The following CD8B2 variants were observed in gnomAD, a reference collection of about 807,000 sequenced individuals.
CD8B2 encodes T-cell surface glycoprotein CD8 beta-2 chain.
Under a neutral mutation model 23.7 loss-of-function variants are expected in CD8B2, and 11 were observed. The ratio of observed to expected loss-of-function variants is 0.46; its 90% CI spans 0.29 to 0.77. The LOEUF (loss-of-function observed/expected upper bound fraction) is 0.77, where lower values mean the gene tolerates loss of function less well. CD8B2 is among the 30% of genes least tolerant of loss of function. The pLI is 0.09. For missense variants in CD8B2, 197 were observed against 270.5 expected, an observed-to-expected ratio of 0.73 and a Z score of 1.91; for synonymous variants, 90 against 109.3, an observed-to-expected ratio of 0.82 and a Z score of 1.10.
chr2:106,514,752 T>TCGTGTG (rs10654321), downstream of CD8B2, among the ~76,000 whole-genome samples: 423 of 145,502 alleles, frequency 2.9e-3, 8 homozygotes, highest in South Asian at 0.031. Context: ...GTTAAGACTT[T>TCGTGTG]TGTGTGTGTG....
At chr2:106,530,700 T>C (rs568770455) in intron 5 of CD8B2, among the ~76,000 whole-genome samples, 2 of 152,124 alleles carry the variant, frequency 1.3e-5, no homozygotes, top group Non-Finnish European at 2.9e-5. Flanking sequence ...CATTCCCAGA[T>C]GGTTAAGGCA....
chr2:106,495,860 A>G (rs1679289156), intron 2 of CD8B2, among the ~76,000 whole-genome samples: 1 of 152,220 alleles, frequency 6.6e-6, no homozygotes, highest in Admixed American at 6.5e-5. Flanking sequence ...GTGCAGTTGC[A>G]TGATCATGGC....
intron 5 of CD8B2, among the ~76,000 whole-genome samples, chr2:106,527,202 G>T (rs941325596): frequency 6.6e-6 from 1 of 152,046 alleles, no homozygotes; most frequent in African/African-American, 2.4e-5. Flanking sequence ...AATGTAAGAG[G>T]GTTCCAATTT....
chr2:106,536,154 C>A (rs1188631224), intron 5 of CD8B2, among the ~76,000 whole-genome samples: 3 of 151,888 alleles, frequency 2.0e-5, no homozygotes, highest in Non-Finnish European at 4.4e-5. Flanking sequence ...CCTGCCTCAG[C>A]CTCCTGAGTA....
At chr2:106,540,866 A>G (rs1439900194) in intron 5 of CD8B2, among the ~76,000 whole-genome samples, 3 of 152,170 alleles carry the variant, frequency 2.0e-5, no homozygotes, top group Non-Finnish European at 2.9e-5. Flanking sequence ...CCCGGCCCCA[A>G]ATACTCTTAT....
At chr2:106,536,589 A>G (rs192709963) in intron 5 of CD8B2, among the ~76,000 whole-genome samples, 63 of 152,332 alleles carry the variant, frequency 4.1e-4, no homozygotes, top group African/African-American at 1.4e-3. Context: ...TTGCTGTATC[A>G]AGTATATTCA....
chr2:106,509,635 C>T lies in CD8B2; in HGVS notation c.*2695C>T, dbSNP rs1382560909. 6.6e-6 allele frequency: 1 copy of T among 151,834 alleles called. No individual in the cohort carries two copies. Among genetic ancestry groups the T allele is most frequent in the Non-Finnish European group, 1.5e-5 (1 of 67,964 alleles). The allele number at this position is 151,834 out of a possible 1,614,324, so 9.4% of individuals were successfully genotyped here. Reference sequence around the variant, plus strand: ...TGCAGCAGGCACCTGCCGAGGCGGGCTCAGCTCCGGCCACCCAGGGAGCTG... The same window carrying T: ...TGCAGCAGGCACCTGCCGAGGCGGGTTCAGCTCCGGCCACCCAGGGAGCTG... On this transcript the variant is annotated 3_prime_UTR_variant, in exon 6 of 6. Coordinates refer to ENST00000643224, the MANE Select transcript of CD8B2 (RefSeq NM_001349727.2).
chr2:106,520,125 C>T (rs187809623), intron 5 of CD8B2, among the ~76,000 whole-genome samples: 136 of 152,292 alleles, frequency 8.9e-4, no homozygotes, highest in Non-Finnish European at 1.4e-3. Flanking sequence ...CTCTCTCTCA[C>T]GACACAGTGT....
intron 5 of CD8B2, among the ~76,000 whole-genome samples, chr2:106,517,675 A>C (rs1365846152): frequency 6.6e-6 from 1 of 151,010 alleles, no homozygotes; most frequent in Non-Finnish European, 1.5e-5. Context: ...GTTTTTAATA[A>C]CAGCACGCTT....
At chr2:106,513,799 G>A (rs561821144), downstream of CD8B2, among the ~76,000 whole-genome samples, 1 of 152,284 alleles carries the variant, frequency 6.6e-6, no homozygotes, top group East Asian at 1.9e-4. Flanking sequence ...AGCACAAAAG[G>A]TGGGCCTACC....
chr2:106,493,612 C>T (rs71211817), intron 2 of CD8B2, among the ~76,000 whole-genome samples: 1 of 152,152 alleles, frequency 6.6e-6, no homozygotes, highest in Non-Finnish European at 1.5e-5. Flanking sequence ...CTCGTTGCAC[C>T]CTCTCCGACC....
Position 106,518,116 on chromosome 2 carries a change from C to T in CD8B2, c.620+13791C>T, listed in dbSNP as rs539156272. On this transcript the variant is annotated intron_variant, in intron 5 of 5. Coordinates refer to the CD8B2 transcript ENST00000416057. Reference sequence around the variant, plus strand: ...ATTTTCTTCATCCTGCTATTTCATACCCAGCCTAGCATGGTGTCTTGTATG... The same window carrying T: ...ATTTTCTTCATCCTGCTATTTCATATCCAGCCTAGCATGGTGTCTTGTATG... Among the ~76,000 whole-genome samples the T allele has an allele frequency of 3.9e-5, 6 of 152,286 alleles. No individual in the cohort carries two copies. The South Asian group carries it at 1.0e-3, about 26-fold the overall frequency.
At chr2:106,506,404 C>T (rs995670923) in intron 5 of CD8B2, among the ~76,000 whole-genome samples, 105 of 152,254 alleles carry the variant, frequency 6.9e-4, no homozygotes, top group African/African-American at 9.4e-4. Context: ...TTTGAACAGA[C>T]GTACTCTCTT....
chr2:106,517,536 T>C (rs1422731732), intron 5 of CD8B2, among the ~76,000 whole-genome samples: 3 of 151,852 alleles, frequency 2.0e-5, no homozygotes, highest in Admixed American at 6.6e-5. Context: ...AAAATCCAAG[T>C]CTTAATTGCG....
chr2:106,526,980 G>A (rs1050838331), intron 5 of CD8B2, among the ~76,000 whole-genome samples: 2 of 152,092 alleles, frequency 1.3e-5, no homozygotes, highest in Non-Finnish European at 2.9e-5. Flanking sequence ...ATTAATTGAT[G>A]GACATTTGGA....
chr2:106,493,493 C>CAGG (rs1456208723), intron 2 of CD8B2, among the ~76,000 whole-genome samples: 1 of 152,118 alleles, frequency 6.6e-6, no homozygotes, highest in Non-Finnish European at 1.5e-5. Flanking sequence ...GGGCTCACCA[C>CAGG]TGACCATCTG....
intron 1 of CD8B2, among the ~76,000 whole-genome samples, chr2:106,488,872 C>G (rs1434558912): frequency 6.6e-6 from 1 of 152,126 alleles, no homozygotes; most frequent in African/African-American, 2.4e-5. Context: ...AAGTGAGTGA[C>G]CCAAAGCAAG....
chr2:106,504,835 C>T (rs1679475052), intron 5 of CD8B2, among the ~76,000 whole-genome samples: 1 of 152,102 alleles, frequency 6.6e-6, no homozygotes, highest in Admixed American at 6.6e-5. Context: ...GGGTTATCAC[C>T]CTCATTTGAC....
chr2:106,530,466 C>T (rs1040602396), intron 5 of CD8B2, among the ~76,000 whole-genome samples: 1 of 152,160 alleles, frequency 6.6e-6, no homozygotes, highest in African/African-American at 2.4e-5. Context: ...GCAAGCTCCG[C>T]CTCCCGGGTT....
Sources: gnomAD v4.1 joint callset for allele counts (sites outside exome capture counted in the v4.1 genomes callset) on GRCh38, gnomAD v4.1.1 for gene constraint, MANE v1.5 for transcripts, NCBI Gene and HGNC (gene_info 2026-07-23, HGNC 2026-07-21) for gene names.